Variants in CDH12 observed in about 807,000 individuals in gnomAD.
The protein encoded by CDH12 is cadherin-12.
A neutral mutation model predicts 74.1 loss-of-function variants in CDH12; 41 were observed. The observed-to-expected ratio is 0.55, with a 90% CI of 0.43 to 0.72. CDH12 has a LOEUF of 0.72. Among genes scored for constraint, CDH12 ranks in the 30% least tolerant of loss-of-function variants. CDH12 has a pLI of 0.00. For synonymous variants in CDH12, 399 were observed against 355.0 expected (o/e 1.12, Z -1.39); for missense variants, 945 against 977.2 (o/e 0.97, Z 0.44).
chr5:21,812,757 G>A (rs1045980160), intron 9 of CDH12, among the ~76,000 whole-genome samples: 1 of 152,072 alleles, frequency 6.6e-6, no homozygotes, highest in Non-Finnish European at 1.5e-5. Flanking sequence ...CAGTTTTTAA[G>A]TTTCATTACA....
rs538795622 is a variant in CDH12, at chr5:22,040,525, T to A, written c.231+37921A>T. On this transcript the variant is annotated intron_variant, in intron 5 of 14. Transcript: ENST00000382254. The stretch of plus-strand genomic sequence containing the variant: ...ATATTGTAATTAAACTGTCAAAAGG[T>A]AAAGTCCAAGAGAGAATTTTAAAAG... Among the ~76,000 whole-genome samples, 4 of 152,124 alleles carry A rather than the reference T, an allele frequency of 2.6e-5. No individual in the cohort carries two copies. The South Asian group carries it at 8.3e-4, about 32-fold the overall frequency.
chr5:22,198,559 G>A (rs975041445), intron 4 of CDH12, among the ~76,000 whole-genome samples: 1 of 151,972 alleles, frequency 6.6e-6, no homozygotes, highest in African/African-American at 2.4e-5. Flanking sequence ...TGCTCTATTT[G>A]TATAAGTAGT....
intron 6 of CDH12, among the ~76,000 whole-genome samples, chr5:21,921,603 G>A (rs1036453776): frequency 9.9e-5 from 15 of 152,220 alleles, no homozygotes; most frequent in African/African-American, 1.9e-4. Context: ...TCACAGCAAC[G>A]TTTACTGGAG....
At chr5:22,209,225 C>T (rs1162862534) in intron 4 of CDH12, among the ~76,000 whole-genome samples, 1 of 152,184 alleles carries the variant, frequency 6.6e-6, no homozygotes, top group African/African-American at 2.4e-5. Flanking sequence ...CTTCTTGTCA[C>T]AGGATTAGAT....
chr5:21,880,609 T>TTTC (rs1752247180), intron 6 of CDH12, among the ~76,000 whole-genome samples: 2 of 83,734 alleles, frequency 2.4e-5, no homozygotes, highest in Non-Finnish European at 4.9e-5. Flanking sequence ...CCTTCCTTCC[T>TTTC]TCCTTCCTTC....
At chr5:22,848,364 A>C in intron 1 of CDH12, among the ~76,000 whole-genome samples, 1 of 152,172 alleles carries the variant, frequency 6.6e-6, no homozygotes, top group African/African-American at 2.4e-5. Context: ...TTACATTTTA[A>C]CTTACCTAAT....
Position 21,994,311 on chromosome 5 carries a change from G to GA in CDH12, c.232-18927dup, listed in dbSNP as rs1163807151. 1.5e-4 allele frequency among the ~76,000 whole-genome samples: 20 copies of GA among 131,420 alleles called. 1 individual carries two copies. Among genetic ancestry groups the GA allele is most frequent in the Non-Finnish European group, 1.5e-5 (1 of 65,904 alleles). 86.2% of individuals were successfully genotyped at this position (131,420 alleles called of 152,430 possible). On this transcript the variant is annotated intron_variant, in intron 5 of 14. Coordinates refer to ENST00000382254, the MANE Select transcript of CDH12 (RefSeq NM_004061.5). ...AGGGAGACAGAGGTAAGAAAATTAA[G>GA]AAAAGAAGAAAGGAGTTCTGACAAC...
In CDH12 at chr5:22,812,808, G is replaced by A. The variant is rs1581025614; in HGVS notation, c.-523+40250C>T. Among the ~76,000 whole-genome samples the A allele has an allele frequency of 2.0e-5, 3 of 152,282 alleles. No individual in the cohort carries two copies. The South Asian group carries it at 6.2e-4, about 32-fold the overall frequency. On this transcript the variant is annotated intron_variant, in intron 1 of 14. Transcript: ENST00000382254. ...TTTAGATGTCATTATTTCAAAGAGA[G>A]TGTAGTAGAAGGTGAAGTCAAAAAA...
chr5:22,705,010 G>T (rs1350667194), intron 1 of CDH12, among the ~76,000 whole-genome samples: 13 of 151,594 alleles, frequency 8.6e-5, no homozygotes, highest in African/African-American at 1.2e-4. Flanking sequence ...TATACTGCAT[G>T]GATCTGAATA....
At chr5:22,790,559 T>C (rs999540594) in intron 1 of CDH12, among the ~76,000 whole-genome samples, 9 of 151,854 alleles carry the variant, frequency 5.9e-5, no homozygotes, top group East Asian at 3.9e-4. Context: ...TAAAAATGAA[T>C]CCCTCTTCTG....
chr5:22,771,319 A>G (rs1005139083), intron 1 of CDH12, among the ~76,000 whole-genome samples: 1 of 152,104 alleles, frequency 6.6e-6, no homozygotes, highest in Non-Finnish European at 1.5e-5. Context: ...ATGTATTCTT[A>G]GTGGTCTTTG....
At chr5:22,180,566 G>A (rs777327330) in intron 4 of CDH12, among the ~76,000 whole-genome samples, 57 of 151,864 alleles carry the variant, frequency 3.8e-4, no homozygotes, top group Non-Finnish European at 6.2e-4. Context: ...AAGCTGGAGT[G>A]CAGTGGGGCG....
chr5:22,408,969 A>G (rs1743066997), intron 2 of CDH12, among the ~76,000 whole-genome samples: 1 of 152,020 alleles, frequency 6.6e-6, no homozygotes, highest in South Asian at 2.1e-4. Flanking sequence ...CTTACCTATC[A>G]CCATAAGTAT....
chr5:22,336,732 G>C (rs927373107), intron 3 of CDH12, among the ~76,000 whole-genome samples: 1 of 152,242 alleles, frequency 6.6e-6, no homozygotes, highest in African/African-American at 2.4e-5. Flanking sequence ...CCAGGCAGAA[G>C]TTTGCTGCAG....
chr5:22,531,888 T>A (rs950812392), intron 1 of CDH12, among the ~76,000 whole-genome samples: 1 of 152,088 alleles, frequency 6.6e-6, no homozygotes, highest in African/African-American at 2.4e-5. Context: ...TTCCACACCA[T>A]GACTGGCAGT....
intron 3 of CDH12, among the ~76,000 whole-genome samples, chr5:22,263,595 T>A (rs931038880): frequency 6.6e-6 from 1 of 152,128 alleles, no homozygotes; most frequent in African/African-American, 2.4e-5. Flanking sequence ...GGTGTATGCA[T>A]CTATGTTTTT....
intron 6 of CDH12, among the ~76,000 whole-genome samples, chr5:21,934,826 A>G (rs187032300): frequency 8.5e-4 from 129 of 151,652 alleles, no homozygotes; most frequent in Non-Finnish European, 1.6e-3. Context: ...TCCCTCTGTC[A>G]CCCAGGCTGG....
At chr5:22,534,043 A>AT (rs1359998531) in intron 1 of CDH12, among the ~76,000 whole-genome samples, 1 of 152,108 alleles carries the variant, frequency 6.6e-6, no homozygotes, top group Non-Finnish European at 1.5e-5. Flanking sequence ...AAAATTTTTA[A>AT]TTGTTGATTC....
At chr5:22,211,096 C>T (rs988201582) in intron 4 of CDH12, among the ~76,000 whole-genome samples, 10 of 152,126 alleles carry the variant, frequency 6.6e-5, no homozygotes, top group Admixed American at 6.5e-4. Flanking sequence ...CTGAAAAGCT[C>T]TCCAGAGAAT....
Sources: gnomAD v4.1 joint callset for allele counts (sites outside exome capture counted in the v4.1 genomes callset) on GRCh38, gnomAD v4.1.1 for gene constraint, MANE v1.5 for transcripts, NCBI Gene and HGNC (gene_info 2026-07-23, HGNC 2026-07-21) for gene names.